Variants in DIP2A observed in about 807,000 individuals in gnomAD.
DIP2A encodes DIP2 acetate--CoA ligase A.
Under a neutral mutation model 177.4 loss-of-function variants are expected in DIP2A, and 85 were observed. The observed-to-expected ratio is 0.48, with a 90% CI of 0.40 to 0.57. DIP2A has a LOEUF of 0.57. DIP2A is among the 20% of genes least tolerant of loss of function. The pLI is 0.00. For missense variants in DIP2A, 1,791 were observed against 2,100.2 expected (o/e 0.85, Z 2.88); for synonymous variants, 886 against 881.8 (o/e 1.00, Z -0.08).
At chr21:46,465,684 G>C (rs559479443) in intron 1 of DIP2A, among the ~76,000 whole-genome samples, 1 of 152,044 alleles carries the variant, frequency 6.6e-6, no homozygotes, top group African/African-American at 2.4e-5. Flanking sequence ...CTCTCCACTT[G>C]CAGTTTTAAA....
chr21:46,538,746 GA>G, intron 16 of DIP2A, 144 bp downstream of exon 16: 1 of 1,216,346 alleles, frequency 8.2e-7, no homozygotes. Context: ...CTATGACACG[GA>G]ACATCTTGGT....
intron 10 of DIP2A, 117 bp downstream of exon 10, chr21:46,532,354 A>C: frequency 4.9e-6 from 4 of 810,692 alleles, no homozygotes; most frequent in Non-Finnish European, 7.8e-6. Context: ...GACAGAGGAG[A>C]GAAAGCTAGT....
At chr21:46,539,383 C>G in intron 16 of DIP2A, 1 of 185,200 alleles carries the variant, frequency 5.4e-6, no homozygotes, top group Admixed American at 5.6e-5. Flanking sequence ...CACCTTTGAG[C>G]ACCCCCAGAG....
chr21:46,464,813 ATGTCTTTT>A, intron 1 of DIP2A, among the ~76,000 whole-genome samples: 1 of 52,564 alleles, frequency 1.9e-5, no homozygotes, highest in Non-Finnish European at 3.7e-5. Flanking sequence ...CTTAATATTC[ATGTCTTTT>A]TTTTTTTTTT....
chr21:46,551,907 G>A lies in DIP2A; in HGVS notation c.3030+3G>A. On this transcript the variant is annotated splice_donor_region_variant and intron_variant, in intron 25 of 37. Coordinates refer to ENST00000417564, the MANE Select transcript of DIP2A (RefSeq NM_015151.4). ...TGTTCTTGCTGCTGAACGCCAAGGT[G>A]AGGCAGTGTCACGCCCACGGGGCTT... The A allele has an allele frequency of 6.3e-7, 1 of 1,599,266 alleles. No homozygotes were observed. Among genetic ancestry groups the A allele is most frequent in the Non-Finnish European group, 8.5e-7 (1 of 1,174,120 alleles).
At chr21:46,464,960 T>C (rs2054682591) in intron 1 of DIP2A, among the ~76,000 whole-genome samples, 1 of 151,924 alleles carries the variant, frequency 6.6e-6, no homozygotes, top group Non-Finnish European at 1.5e-5. Flanking sequence ...ATAATTCTTC[T>C]GAACACAATT....
At chr21:46,518,864 A>G (rs1040988882) in intron 8 of DIP2A, among the ~76,000 whole-genome samples, 3 of 152,256 alleles carry the variant, frequency 2.0e-5, no homozygotes, top group African/African-American at 7.2e-5. Context: ...CTCAAGAAGT[A>G]TATGTAAATA....
At chr21:46,513,253 T>C (rs899329146) in intron 8 of DIP2A, among the ~76,000 whole-genome samples, 3 of 152,220 alleles carry the variant, frequency 2.0e-5, no homozygotes, top group Non-Finnish European at 4.4e-5. Context: ...CCATTTAGAA[T>C]TTAATTTTGT....
the DIP2A span, among the ~76,000 whole-genome samples, chr21:46,575,192 A>T: frequency 6.6e-5 from 10 of 152,268 alleles, no homozygotes; most frequent in South Asian, 2.1e-3. Flanking sequence ...GATCGTCTCG[A>T]TTGATGCAGC....
chr21:46,540,761 C>G (rs2059781187), intron 17 of DIP2A, among the ~76,000 whole-genome samples: 1 of 152,152 alleles, frequency 6.6e-6, no homozygotes, highest in Non-Finnish European at 1.5e-5. Flanking sequence ...TGCCTGTAAT[C>G]CCAGCACTTT....
intron 2 of DIP2A, among the ~76,000 whole-genome samples, chr21:46,485,890 G>A (rs2056651645): frequency 1.3e-5 from 2 of 151,736 alleles, no homozygotes. Flanking sequence ...GGCCAACATA[G>A]GGAAGCCTTG....
In DIP2A at chr21:46,471,392, G is replaced by A. The variant is rs554187513; in HGVS notation, c.91+12170G>A. Among the ~76,000 whole-genome samples, 14 of 152,176 alleles carry A rather than the reference G, an allele frequency of 9.2e-5. No individual in the cohort carries two copies. The South Asian group carries it at 2.5e-3, about 27-fold the overall frequency. ...CACAGCAAAATTGAGAGAAAGGTAC[G>A]GAACTATCCCATATTCCCCCACCCT... On this transcript the variant is annotated intron_variant, in intron 1 of 37. Transcript: ENST00000417564.
At chr21:46,517,003 C>A (rs1478612226) in intron 8 of DIP2A, among the ~76,000 whole-genome samples, 31 of 150,540 alleles carry the variant, frequency 2.1e-4, no homozygotes. Flanking sequence ...TAGCTAACAC[C>A]AATATCTGTA....
intron 18 of DIP2A, among the ~76,000 whole-genome samples, chr21:46,543,204 G>C (rs1361815023): frequency 3.3e-5 from 5 of 152,144 alleles, no homozygotes; most frequent in African/African-American, 9.7e-5. Context: ...CACGGTGCTT[G>C]AACCTGTCGT....
rs768193782 is a variant in DIP2A at position 46,558,219 on chromosome 21, G to A, written c.3799-4G>A. ...CGTGGCCTGACCGCTCACCCCTCCC[G>A]CAGATGAAGGGGGTGAACCTGTCAT... On this transcript the variant is annotated splice_polypyrimidine_tract_variant and splice_region_variant and intron_variant, in intron 31 of 37. Transcript: ENST00000417564. 41 of 1,607,250 alleles carry A rather than the reference G, an allele frequency of 2.6e-5. No homozygotes were observed. The highest frequency in any genetic ancestry group is 1.6e-4 in the African/African-American group (12 of 74,846).
In DIP2A at chr21:46,563,665, T is replaced by G; in HGVS notation, c.4090-193T>G. The G allele has an allele frequency of 1.9e-6, 2 of 1,064,468 alleles. No homozygotes were observed. Among genetic ancestry groups the G allele is most frequent in the Non-Finnish European group, 2.6e-6 (2 of 777,838 alleles). The allele number at this position is 1,064,468 out of a possible 1,614,324, so 65.9% of individuals were successfully genotyped here. A position where few individuals can be genotyped will look rare whatever the true frequency, so the allele number is the denominator to read the frequency against. On this transcript the variant is annotated intron_variant, in intron 34 of 37. Transcript: ENST00000417564. The surrounding 1 kb of genome is among the most constrained non-coding windows in gnomAD (Gnocchi z 4.3). ...TCTCAGGAACTGGAGTCATTTTGCT[T>G]ATTTCTATTAACATCTCTTATTTCT...
At position 46,557,097 on chromosome 21, in the gene DIP2A, A is replaced by C. The variant is rs2060495629; in HGVS notation, c.3629+28A>C. Reference sequence around the variant, plus strand: ...GAGTGCAGGGCCCCTGCTGCCTGCCAGGTGGGAGCAGCTCGTGTGGCTCTT... The same window carrying C: ...GAGTGCAGGGCCCCTGCTGCCTGCCCGGTGGGAGCAGCTCGTGTGGCTCTT... On this transcript the variant is annotated intron_variant, in intron 30 of 37. Coordinates refer to ENST00000417564, the MANE Select transcript of DIP2A (RefSeq NM_015151.4). This position sits in a 1 kb window ranked among gnomAD's most constrained non-coding sequence, Gnocchi z 6.0. 6 of 1,574,834 alleles carry C rather than the reference A, an allele frequency of 3.8e-6. No homozygotes were observed. The highest frequency in any genetic ancestry group is 5.2e-6 in the Non-Finnish European group (6 of 1,156,518).
At chr21:46,544,762 C>T (rs1262000858) in intron 18 of DIP2A, among the ~76,000 whole-genome samples, 4 of 152,040 alleles carry the variant, frequency 2.6e-5, no homozygotes, top group African/African-American at 7.3e-5. Context: ...GTCCCGGGCT[C>T]GTGTGTGGTG....
At chr21:46,582,183 G>C in the DIP2A span, among the ~76,000 whole-genome samples, 380 of 152,316 alleles carry the variant, frequency 2.5e-3, 2 homozygotes, top group African/African-American at 8.7e-3. Context: ...CATTGACGGG[G>C]AATGGATCTG....
Sources: gnomAD v4.1 joint callset for allele counts (sites outside exome capture counted in the v4.1 genomes callset) on GRCh38, gnomAD v4.1.1 for gene constraint, Gnocchi (gnomAD v3.1) non-coding constraint, MANE v1.5 for transcripts, NCBI Gene and HGNC (gene_info 2026-07-23, HGNC 2026-07-21) for gene names.